CNTN5: variants seen among roughly 807,000 people sequenced by gnomAD.
CNTN5 encodes the protein contactin 5, also known as contactin-5.
In CNTN5, 77 loss-of-function variants were observed where a neutral mutation model predicts 129.1. That is an observed-to-expected ratio of 0.60 (90% CI 0.50 to 0.72). CNTN5 has a LOEUF of 0.72. CNTN5 is among the 30% of genes least tolerant of loss of function. The pLI, the probability that CNTN5 is intolerant of heterozygous loss-of-function variation, is 0.00. For synonymous variants in CNTN5, 509 were observed against 465.6 expected (o/e 1.09, Z -1.20); for missense variants, 1,478 against 1,328.8 (o/e 1.11, Z -1.75).
intron 2 of CNTN5, among the ~76,000 whole-genome samples, chr11:99,381,304 C>A (rs1940546931): frequency 6.6e-6 from 1 of 152,080 alleles, no homozygotes; most frequent in African/African-American, 2.4e-5. Context: ...CAGGAAATAT[C>A]AATTAAACTA....
chr11:99,948,262 T>C (rs909211303), intron 7 of CNTN5, among the ~76,000 whole-genome samples: 1 of 152,210 alleles, frequency 6.6e-6, no homozygotes, highest in African/African-American at 2.4e-5. Flanking sequence ...TCCTTGTTTG[T>C]AACTGTGCAA....
intron 18 of CNTN5, among the ~76,000 whole-genome samples, chr11:100,277,275 C>CA (rs1565392703): frequency 6.6e-6 from 1 of 152,162 alleles, no homozygotes; most frequent in East Asian, 1.9e-4. Context: ...AATATTACTG[C>CA]AATAAATGTG....
In CNTN5 at chr11:99,613,823, G is replaced by A. The variant is rs1950671785; in HGVS notation, c.55+57554G>A. 2.0e-5 allele frequency among the ~76,000 whole-genome samples: 3 copies of A among 152,176 alleles called. No individual in the cohort carries two copies. The South Asian group carries it at 6.2e-4, about 32-fold the overall frequency. On this transcript the variant is annotated intron_variant, in intron 3 of 24. Transcript: ENST00000524871. ...TTTGTCAGATGAAATAAAATGAAGG[G>A]TTATTTGCACAAATATATTTTAGAA...
intron 7 of CNTN5, among the ~76,000 whole-genome samples, chr11:99,919,424 G>A (rs565186397): frequency 2.6e-5 from 4 of 152,120 alleles, no homozygotes; most frequent in East Asian, 3.9e-4. Context: ...AAACTCCATC[G>A]GCCAATGCCC....
intron 6 of CNTN5, among the ~76,000 whole-genome samples, chr11:99,874,337 G>A (rs1376556787): frequency 6.6e-6 from 1 of 152,146 alleles, no homozygotes; most frequent in African/African-American, 2.4e-5. Context: ...GTCTGGATTA[G>A]GATTTTTCTG....
intron 2 of CNTN5, among the ~76,000 whole-genome samples, chr11:99,416,282 A>G (rs1243604218): frequency 6.6e-6 from 1 of 152,036 alleles, no homozygotes; most frequent in Non-Finnish European, 1.5e-5. Flanking sequence ...GAGCATTCTA[A>G]TGCCTTTTTT....
intron 7 of CNTN5, among the ~76,000 whole-genome samples, chr11:99,945,730 G>A (rs1280551354): frequency 2.0e-5 from 3 of 151,952 alleles, no homozygotes; most frequent in Admixed American, 6.6e-5. Flanking sequence ...ATTCAAGCAC[G>A]TTTTTGCATT....
At chr11:99,319,429 TG>T (rs1247951216) in intron 1 of CNTN5, among the ~76,000 whole-genome samples, 5 of 152,178 alleles carry the variant, frequency 3.3e-5, no homozygotes, top group Non-Finnish European at 7.3e-5. Flanking sequence ...AGTAATGGGC[TG>T]GATGCCCTTC....
At chr11:99,556,589 A>ATATC (rs1948679264) in intron 3 of CNTN5, among the ~76,000 whole-genome samples, 2 of 137,108 alleles carry the variant, frequency 1.5e-5, no homozygotes, top group African/African-American at 5.4e-5. Flanking sequence ...ATATATATAT[A>ATATC]TATATCTCCC....
chr11:99,807,620 T>C (rs1418283442), intron 3 of CNTN5, among the ~76,000 whole-genome samples: 1 of 152,102 alleles, frequency 6.6e-6, no homozygotes, highest in Non-Finnish European at 1.5e-5. Flanking sequence ...GTTGAAGTAA[T>C]TCTCCTGTCT....
rs1000015117 is a variant in CNTN5 at position 100,055,774 on chromosome 11, G to A, written c.981-5438G>A. On this transcript the variant is annotated intron_variant, in intron 9 of 24. Transcript: ENST00000524871. ...GCTTTGTATATATTGTATTTCCTGT[G>A]CTTATGGATTCATGTCCTTCATTTT... Among the ~76,000 whole-genome samples, 4 of 151,618 alleles carry A rather than the reference G, an allele frequency of 2.6e-5. No homozygotes were observed. In the East Asian group the frequency reaches 7.7e-4, roughly 29 times the overall value.
At chr11:100,325,309 C>T (rs184685174) in intron 21 of CNTN5, among the ~76,000 whole-genome samples, 59 of 152,234 alleles carry the variant, frequency 3.9e-4, no homozygotes, top group Non-Finnish European at 6.5e-4. Flanking sequence ...TATCTGTCCT[C>T]TAACCCTCAA....
At chr11:100,146,717 T>C (rs571087335) in intron 13 of CNTN5, among the ~76,000 whole-genome samples, 1 of 152,304 alleles carries the variant, frequency 6.6e-6, no homozygotes, top group East Asian at 1.9e-4. Context: ...GGGCATTTTA[T>C]ACACAAGATA....
chr11:100,201,130 T>G (rs568848891), intron 15 of CNTN5, among the ~76,000 whole-genome samples: 3 of 152,106 alleles, frequency 2.0e-5, no homozygotes, highest in African/African-American at 7.2e-5. Flanking sequence ...ATCCGATTTA[T>G]TTCAGTGATG....
intron 9 of CNTN5, among the ~76,000 whole-genome samples, chr11:100,037,574 T>A (rs1942093105): frequency 6.6e-6 from 1 of 152,166 alleles, no homozygotes; most frequent in South Asian, 2.1e-4. Flanking sequence ...TCTGGTAGAA[T>A]TCGGCTGTGA....
chr11:99,924,971 G>T (rs551499325), intron 7 of CNTN5, among the ~76,000 whole-genome samples: 1 of 152,262 alleles, frequency 6.6e-6, no homozygotes, highest in African/African-American at 2.4e-5. Context: ...GAAAAGATTA[G>T]TTGAGTTGTG....
intron 1 of CNTN5, among the ~76,000 whole-genome samples, chr11:99,255,323 CATATAGTTACT>C (rs1862320605): frequency 6.6e-6 from 1 of 151,502 alleles, no homozygotes; most frequent in South Asian, 2.1e-4. Context: ...TAGTATTTAA[CATATAGTTACT>C]ATTTTGGGTG....
At chr11:99,676,234 A>T (rs1953277760) in intron 3 of CNTN5, among the ~76,000 whole-genome samples, 1 of 152,202 alleles carries the variant, frequency 6.6e-6, no homozygotes, top group Non-Finnish European at 1.5e-5. Flanking sequence ...ACTGGTGCTC[A>T]GAATATCTTA....
At chr11:99,938,398 T>C (rs1591449827) in intron 7 of CNTN5, among the ~76,000 whole-genome samples, 1 of 152,164 alleles carries the variant, frequency 6.6e-6, no homozygotes. Flanking sequence ...GTTCTTATTA[T>C]ATACATAGGT....
Sources: gnomAD v4.1 joint callset for allele counts (sites outside exome capture counted in the v4.1 genomes callset) on GRCh38, gnomAD v4.1.1 for gene constraint, MANE v1.5 for transcripts, NCBI Gene and HGNC (gene_info 2026-07-23, HGNC 2026-07-21) for gene names.